PRDM11: variants seen among roughly 807,000 people sequenced by gnomAD.
The protein encoded by PRDM11 is PR domain-containing protein 11.
PRDM11 carries 20 observed loss-of-function variants against 97.8 expected under a neutral mutation model. The observed-to-expected ratio is 0.20, with a 90% confidence interval of 0.14 to 0.30. The LOEUF is 0.30. PRDM11 is among the 10% of genes least tolerant of loss of function. The pLI, the probability that PRDM11 is intolerant of heterozygous loss-of-function variation, is 1.00. For synonymous variants in PRDM11, 599 were observed against 637.7 expected, an observed-to-expected ratio of 0.94 and a Z score of 0.91; for missense variants, 1,139 against 1,555.2, an observed-to-expected ratio of 0.73 and a Z score of 4.50.
At chr11:45,221,659 C>T (rs1041662186) in intron 6 of PRDM11, among the ~76,000 whole-genome samples, 31 of 152,050 alleles carry the variant, frequency 2.0e-4, no homozygotes, top group Admixed American at 1.8e-3. Flanking sequence ...TCAAAGGAGG[C>T]GTGTCAGACA....
At chr11:45,167,345 C>G (rs1472706870) in intron 1 of PRDM11, among the ~76,000 whole-genome samples, 1 of 152,092 alleles carries the variant, frequency 6.6e-6, no homozygotes, top group Non-Finnish European at 1.5e-5. Flanking sequence ...TGGAAGAACC[C>G]TAGGTCACAT....
intron 4 of PRDM11, among the ~76,000 whole-genome samples, chr11:45,198,627 C>A (rs1409428247): frequency 2.6e-5 from 4 of 152,196 alleles, no homozygotes; most frequent in African/African-American, 9.7e-5. Context: ...AGTGAATCTT[C>A]GACTGGGGCA....
chr11:45,215,511 T>C (rs1403950661), intron 5 of PRDM11, among the ~76,000 whole-genome samples: 3 of 152,160 alleles, frequency 2.0e-5, no homozygotes, highest in Admixed American at 6.5e-5. Context: ...GGCTGGCTGC[T>C]CTCTCTCTTC....
chr11:45,106,721 C>T (rs1331578899), intron 1 of PRDM11, among the ~76,000 whole-genome samples: 5 of 152,190 alleles, frequency 3.3e-5, no homozygotes, highest in Non-Finnish European at 5.9e-5. Flanking sequence ...CTCCACTCCA[C>T]GTGGTCTGTG....
intron 6 of PRDM11, 121 bp from the exon 7 acceptor site, chr11:45,224,096 C>T (rs907174064): frequency 2.4e-6 from 3 of 1,251,392 alleles, no homozygotes; most frequent in African/African-American, 3.0e-5. Flanking sequence ...ACACTTGCCC[C>T]AAAAGCCCAG....
chr11:45,096,293 A>C (rs567007163), intron 1 of PRDM11, among the ~76,000 whole-genome samples: 1 of 152,222 alleles, frequency 6.6e-6, no homozygotes, highest in Non-Finnish European at 1.5e-5. Context: ...GTGGAAATGA[A>C]AGGACTAGAA....
At chr11:45,212,607 T>C (rs1193674126) in intron 5 of PRDM11, 1 of 456,316 alleles carries the variant, frequency 2.2e-6, no homozygotes, top group Non-Finnish European at 4.4e-6. Context: ...TCTGAGACGG[T>C]GGGCCCCAAG....
chr11:45,132,321 C>A (rs993198351), intron 1 of PRDM11, among the ~76,000 whole-genome samples: 2 of 152,288 alleles, frequency 1.3e-5, no homozygotes, highest in East Asian at 3.9e-4. Flanking sequence ...ATAGGCAACC[C>A]ACAGTGTTCA....
At chr11:45,123,155 C>T (rs1209238679) in intron 1 of PRDM11, among the ~76,000 whole-genome samples, 1 of 152,112 alleles carries the variant, frequency 6.6e-6, no homozygotes, top group South Asian at 2.1e-4. Context: ...TGAGAAGTGT[C>T]TGTTCATATC....
intron 1 of PRDM11, among the ~76,000 whole-genome samples, chr11:45,180,036 G>A (rs1852429007): frequency 6.6e-6 from 1 of 152,238 alleles, no homozygotes; most frequent in Non-Finnish European, 1.5e-5. Context: ...CGATTGTTCG[G>A]TAGAGGACTG....
intron 1 of PRDM11, among the ~76,000 whole-genome samples, chr11:45,137,005 GA>G (rs1049658884): frequency 1.2e-4 from 14 of 118,434 alleles, no homozygotes; most frequent in Middle Eastern, 4.9e-3. Flanking sequence ...AAAAAAAAAA[GA>G]AAAAAAATTA....
intron 4 of PRDM11, 111 bp from the exon 5 acceptor site, chr11:45,204,600 G>A: frequency 1.1e-6 from 1 of 945,466 alleles, no homozygotes; most frequent in Non-Finnish European, 1.7e-6. Flanking sequence ...ATTTCAGGGG[G>A]AGGGGGAGGG....
chr11:45,159,399 T>C (rs973561862), intron 1 of PRDM11, among the ~76,000 whole-genome samples: 1 of 152,208 alleles, frequency 6.6e-6, no homozygotes, highest in African/African-American at 2.4e-5. Context: ...GCCTCACATG[T>C]TGTGGGAGTC....
chr11:45,223,852 G>T (rs950889640), intron 6 of PRDM11, among the ~76,000 whole-genome samples: 1 of 152,158 alleles, frequency 6.6e-6, no homozygotes, highest in Non-Finnish European at 1.5e-5. Flanking sequence ...TACTCACTTG[G>T]CTCTGAGGTA....
chr11:45,218,398 CTG>C (rs1468129731), intron 5 of PRDM11, among the ~76,000 whole-genome samples: 14 of 152,302 alleles, frequency 9.2e-5, no homozygotes, highest in Admixed American at 4.6e-4. Context: ...ATGTACTACG[CTG>C]TGTTTCTGTT....
intron 1 of PRDM11, among the ~76,000 whole-genome samples, chr11:45,149,707 C>T (rs967001424): frequency 5.3e-5 from 8 of 152,338 alleles, no homozygotes; most frequent in African/African-American, 7.2e-5. Flanking sequence ...GGTAGTAAGG[C>T]GGGATGGTGG....
At chr11:45,117,859 G>A (rs1224106087) in intron 1 of PRDM11, among the ~76,000 whole-genome samples, 1 of 152,172 alleles carries the variant, frequency 6.6e-6, no homozygotes, top group African/African-American at 2.4e-5. Flanking sequence ...AAGGGAAAAC[G>A]AGTAACTGTA....
At chr11:45,210,905 T>TA (rs1418413502) in intron 5 of PRDM11, among the ~76,000 whole-genome samples, 3 of 152,082 alleles carry the variant, frequency 2.0e-5, no homozygotes, top group African/African-American at 7.2e-5. Context: ...CAGCATCCAG[T>TA]AAAGCCTGTT....
intron 1 of PRDM11, among the ~76,000 whole-genome samples, chr11:45,153,359 G>A (rs1213914020): frequency 6.6e-6 from 1 of 152,256 alleles, no homozygotes; most frequent in Non-Finnish European, 1.5e-5. Context: ...ATAGCGGTGA[G>A]ATCTGAGCAG....
Sources: allele counts gnomAD v4.1 joint callset (sites outside exome capture counted in the v4.1 genomes callset), GRCh38; gene constraint gnomAD v4.1.1; transcripts MANE v1.5; gene names NCBI Gene and HGNC (gene_info 2026-07-23, HGNC 2026-07-21).